Variants in LIFR observed in about 807,000 individuals in gnomAD.
LIFR encodes the protein leukemia inhibitory factor receptor.
A neutral mutation model predicts 122.2 loss-of-function variants in LIFR; 84 were observed. The ratio of observed to expected loss-of-function variants is 0.69; its 90% CI spans 0.58 to 0.82. LIFR has a LOEUF of 0.82. Ranked by LOEUF, LIFR falls within the 40% of genes least tolerant of loss-of-function variation. LIFR has a pLI of 0.00. For missense variants in LIFR, 1,294 were observed against 1,311.6 expected (o/e 0.99, Z 0.21); for synonymous variants, 422 against 434.7 (o/e 0.97, Z 0.36).
Position 38,523,016 on chromosome 5 carries a change from T to TA in LIFR, c.561+402dup, listed in dbSNP as rs200010665. ...TGATAAATTCAAGCTTATAGATTTA[T>TA]AAAAAAAAATTCTCTATGGCTAAGT... On this transcript the variant is annotated intron_variant, in intron 5 of 19. Transcript: ENST00000453190. Among the ~76,000 whole-genome samples the TA allele has an allele frequency of 2.0e-4, 30 of 151,862 alleles. 1 individual carries two copies. The highest frequency in any genetic ancestry group is 6.8e-4 in the African/African-American group (28 of 41,460).
intron 1 of LIFR, among the ~76,000 whole-genome samples, chr5:38,592,961 T>C (rs1189811639): frequency 1.3e-5 from 2 of 151,916 alleles, no homozygotes; most frequent in Non-Finnish European, 2.9e-5. Context: ...TCCCAGCACT[T>C]TGGGAGACCG....
chr5:38,530,464 A>C, intron 2 of LIFR, 42 bp downstream of exon 2: 3 of 1,570,302 alleles, frequency 1.9e-6, no homozygotes, highest in Non-Finnish European at 2.6e-6. Context: ...AATGGAAATA[A>C]AACTGCAATC....
intron 1 of LIFR, among the ~76,000 whole-genome samples, chr5:38,537,030 T>G (rs1462020561): frequency 6.6e-6 from 1 of 152,204 alleles, no homozygotes; most frequent in Admixed American, 6.5e-5. Context: ...AGTTTTTCTT[T>G]TTCAGGATCC....
chr5:38,554,728 G>A (rs966505887), intron 1 of LIFR, among the ~76,000 whole-genome samples: 1 of 152,206 alleles, frequency 6.6e-6, no homozygotes, highest in Admixed American at 6.5e-5. Context: ...CATACACAAG[G>A]AGCCAGTAGC....
At chr5:38,543,869 A>T (rs1747725314) in intron 1 of LIFR, among the ~76,000 whole-genome samples, 1 of 152,128 alleles carries the variant, frequency 6.6e-6, no homozygotes, top group Admixed American at 6.5e-5. Context: ...AGATATACGT[A>T]CAACTTGTCA....
chr5:38,521,581 G>C (rs1034628182), intron 5 of LIFR, among the ~76,000 whole-genome samples: 1 of 152,188 alleles, frequency 6.6e-6, no homozygotes, highest in Non-Finnish European at 1.5e-5. Context: ...TGGGTCCAAG[G>C]GGGCCAATTC....
chr5:38,506,508 A>T lies in LIFR; in HGVS notation c.1116T>A (p.Val372=). 6.2e-7 allele frequency: 1 copy of T among 1,614,056 alleles called. No homozygotes were observed. The highest frequency in any genetic ancestry group is 8.5e-7 in the Non-Finnish European group (1 of 1,179,980). Residue 372 remains valine (V), a synonymous_variant, in exon 8 of 20, where the codon GTT becomes GTA. Coordinates refer to ENST00000453190, the MANE Select transcript of LIFR (RefSeq NM_001127671.2). ...CTTTTCCCAGTTATCATTACCTTTC[A>T]ACTAAAGTGTAGCTTGTAGCACGTG... ...VGPRATSYTL[V]ESFSGKYVRL... is the part of the protein sequence containing the mutation.
chr5:38,571,741 G>A (rs1457318611), intron 1 of LIFR, among the ~76,000 whole-genome samples: 3 of 152,152 alleles, frequency 2.0e-5, no homozygotes, highest in Non-Finnish European at 4.4e-5. Flanking sequence ...CATGGTCAAT[G>A]AATTTGGAAA....
intron 1 of LIFR, chr5:38,608,003 A>G (rs1330367990): frequency 6.6e-6 from 1 of 152,234 alleles, no homozygotes; most frequent in Non-Finnish European, 1.5e-5. Flanking sequence ...TCTTTCAGAA[A>G]TGATCTAGGC....
At chr5:38,507,258 C>A (rs188664231) in intron 7 of LIFR, among the ~76,000 whole-genome samples, 1 of 147,440 alleles carries the variant, frequency 6.8e-6, no homozygotes. Flanking sequence ...TTTTTTAAGA[C>A]GAGACCTTCA....
intron 4 of LIFR, among the ~76,000 whole-genome samples, chr5:38,526,162 T>C (rs1383314928): frequency 1.3e-5 from 2 of 152,240 alleles, no homozygotes; most frequent in Non-Finnish European, 2.9e-5. Flanking sequence ...ACTTGCTTTC[T>C]AGAAACTCAG....
chr5:38,533,152 A>G (rs1474084443), intron 1 of LIFR, among the ~76,000 whole-genome samples: 25 of 152,330 alleles, frequency 1.6e-4, no homozygotes, highest in Non-Finnish European at 2.9e-5. Flanking sequence ...AAAATAATGC[A>G]TATGTTTTAC....
chr5:38,478,309 G>A lies in LIFR; in HGVS notation c.*3286C>T, dbSNP rs930815769. On this transcript the variant is annotated 3_prime_UTR_variant, in exon 20 of 20. Transcript: ENST00000453190. ...TCTAAATGTAATCTTTCAGATCCAC[G>A]AGCGGTGAAAGTAATGCTGGTTTGG... 7 of 204,594 alleles carry A rather than the reference G, an allele frequency of 3.4e-5. No individual in the cohort carries two copies. Among genetic ancestry groups the A allele is most frequent in the African/African-American group, 9.2e-5 (4 of 43,710 alleles). The allele number at this position is 204,594 out of a possible 1,614,324, so 12.7% of individuals were successfully genotyped here.
intron 1 of LIFR, among the ~76,000 whole-genome samples, chr5:38,545,986 T>A (rs1044385073): frequency 1.3e-5 from 2 of 151,926 alleles, no homozygotes; most frequent in Non-Finnish European, 2.9e-5. Context: ...CAAATAAATG[T>A]GGAGAAAATT....
At chr5:38,553,698 GATT>G (rs1337006749) in intron 1 of LIFR, among the ~76,000 whole-genome samples, 2 of 116,358 alleles carry the variant, frequency 1.7e-5, no homozygotes, top group African/African-American at 3.1e-5. Flanking sequence ...TATTTTAAAA[GATT>G]ATGATAGCTT....
In LIFR at chr5:38,530,532, A is replaced by T; in HGVS notation, c.116T>A (p.Met39Lys). The stretch of plus-strand genomic sequence containing the variant: ...CTTTTTCTGGCTATTTACTTGATTC[A>T]TTAGATATAGAAGAATAAATGTTGA... ...LLSTFILLYLMNQVNSQKKGA... is the reference protein window; with the variant it reads ...LLSTFILLYLKNQVNSQKKGA... Residue 39 changes from methionine to lysine, a missense_variant, in exon 2 of 20, where the codon ATG (methionine) becomes AAG (lysine). Met to Lys is a moderately conservative substitution (Grantham distance 95). Coordinates refer to ENST00000453190, the MANE Select transcript of LIFR (RefSeq NM_001127671.2). The T allele has an allele frequency of 6.2e-7, 1 of 1,613,034 alleles. No homozygotes were observed. The highest frequency in any genetic ancestry group is 2.2e-5 in the East Asian group (1 of 44,866).
rs2112544669 is a variant in LIFR at position 38,523,479 on chromosome 5, G to A, written c.501C>T (p.Arg167=). The part of the protein sequence containing the change: ...WNDRGSVFPH[R]SNVIWEIKVL... ...CTTTAATTTCCCAGATAACATTTGAGCGGTGTGGAAAAACTGAACCCCTGT... is the reference window on the plus strand; with the variant it reads ...CTTTAATTTCCCAGATAACATTTGAACGGTGTGGAAAAACTGAACCCCTGT... Residue 167 remains arginine, a synonymous_variant, in exon 5 of 20, where the codon CGC becomes CGT. Transcript: ENST00000453190. The A allele has an allele frequency of 3.7e-6, 6 of 1,613,598 alleles. No homozygotes were observed. Among genetic ancestry groups the A allele is most frequent in the Middle Eastern group, 3.3e-4 (2 of 6,054 alleles).
chr5:38,568,144 C>T (rs557907859), intron 1 of LIFR, among the ~76,000 whole-genome samples: 136 of 152,310 alleles, frequency 8.9e-4, no homozygotes, highest in African/African-American at 3.2e-3. Flanking sequence ...ATGGAGCTCT[C>T]ATTCTAGAGA....
chr5:38,504,025 T>G lies in LIFR; in HGVS notation c.1388A>C (p.Asn463Thr). 1 of 1,590,526 alleles carries G rather than the reference T, an allele frequency of 6.3e-7. No homozygotes were observed. Among genetic ancestry groups the G allele is most frequent in the Non-Finnish European group, 8.6e-7 (1 of 1,158,810 alleles). The change falls in exon 10 of 20, where the codon AAT becomes ACT. Residue 463 changes from asparagine to threonine, a missense_variant. By Grantham distance (65) the Asn-to-Thr change is moderately conservative (BLOSUM62 0). Transcript: ENST00000453190. The stretch of plus-strand genomic sequence containing the variant: ...CTTAATTTCAATTTCACATAAAAAA[T>G]TAATCTTTGCAAAGTTGCCTGGTAA... ...WHLPGNFAKI[N>T]FLCEIEIKKS... is the part of the protein sequence containing the mutation.
Sources: allele counts gnomAD v4.1 joint callset (sites outside exome capture counted in the v4.1 genomes callset), GRCh38; gene constraint gnomAD v4.1.1; transcripts MANE v1.5; gene names NCBI Gene and HGNC (gene_info 2026-07-23, HGNC 2026-07-21).